The following NTN5 variants were observed in gnomAD, a reference collection of about 807,000 sequenced individuals.
NTN5 encodes netrin-5.
In NTN5, 42 loss-of-function variants were observed where a neutral mutation model predicts 38.7. The ratio of observed to expected loss-of-function variants is 1.08; its 90% CI spans 0.85 to 1.40. The LOEUF (loss-of-function observed/expected upper bound fraction) is 1.40. Ranked by LOEUF, NTN5 falls within the 40% of genes most tolerant of loss-of-function variation. The pLI is 0.00. For synonymous variants in NTN5, 329 were observed against 303.9 expected (o/e 1.08, Z -0.86); for missense variants, 658 against 716.5 (o/e 0.92, Z 0.93).
At chr19:48,664,438 C>T in intron 3 of NTN5, 141 bp downstream of exon 3, 1 of 1,304,734 alleles carries the variant, frequency 7.7e-7, no homozygotes, top group Non-Finnish European at 1.0e-6. Context: ...CCCAGCCCCT[C>T]CTCCCTCAGG....
At chr19:48,663,394 G>C (rs887382243) in intron 6 of NTN5, 69 bp downstream of exon 6, 1 of 1,330,028 alleles carries the variant, frequency 7.5e-7, no homozygotes, top group Non-Finnish European at 1.1e-6. Context: ...GGCCAGAAAG[G>C]GGGTGGCTTA....
Position 48,670,832 on chromosome 19 carries a change from C to T in NTN5, c.155G>A (p.Gly52Glu). The change falls in exon 2 of 7, where the codon GGA becomes GAA. Residue 52 changes from glycine (G) to glutamate (E), a missense_variant. Physicochemically the swap from Gly to Glu is moderately conservative, Grantham distance 98 (BLOSUM62 -2). Coordinates refer to ENST00000270235, the MANE Select transcript of NTN5 (RefSeq NM_145807.4). ...SCPQACALSPGNHLGARETCN... is the reference protein window; with the variant it reads ...SCPQACALSPENHLGARETCN... ...GGTTTCCCTGGCGCCAAGGTGGTTT[C>T]CTGGGGACAGGGCACAGGCCTGAGG... 6.2e-7 allele frequency: 1 copy of T among 1,613,046 alleles called. No individual in the cohort carries two copies. Among genetic ancestry groups the T allele is most frequent in the Non-Finnish European group, 8.5e-7 (1 of 1,179,960 alleles).
At chr19:48,666,471 G>A (rs1003398777) in intron 2 of NTN5, among the ~76,000 whole-genome samples, 2 of 151,856 alleles carry the variant, frequency 1.3e-5, no homozygotes, top group African/African-American at 4.8e-5. Context: ...GGGAGTTGGA[G>A]GCTGCAGTGA....
At chr19:48,663,573 C>T in intron 5 of NTN5, 30 bp from the exon 6 acceptor site, 5 of 1,602,914 alleles carry the variant, frequency 3.1e-6, no homozygotes, top group African/African-American at 1.3e-5. Context: ...CTGCAGTGGG[C>T]TCCTGGGGCC....
chr19:48,672,199 G>C (rs1324126301), intron 1 of NTN5, among the ~76,000 whole-genome samples: 1 of 152,118 alleles, frequency 6.6e-6, no homozygotes, highest in Non-Finnish European at 1.5e-5. Flanking sequence ...GCTGGGACAG[G>C]GTGGGGTGCC....
intron 6 of NTN5, chr19:48,662,866 TAGAACACTAGTG>T (rs2031585847): frequency 5.4e-6 from 1 of 186,086 alleles, no homozygotes; most frequent in African/African-American, 2.4e-5. Context: ...TGTGAAGGCC[TAGAACACTAGTG>T]ACCAGATGAG....
In NTN5 at chr19:48,664,735, G is replaced by C; in HGVS notation, c.664C>G (p.Arg222Gly). The change falls in exon 3 of 7, where the codon CGG (arginine) becomes GGG (glycine). Residue 222 changes from arginine to glycine, a missense_variant. Coordinates refer to ENST00000270235, the MANE Select transcript of NTN5 (RefSeq NM_145807.4). ...CSCNQHARRC[R>G]FNSELFRLSG... ...AGTCTGAACAGCTCAGAGTTGAACC[G>C]GCAGCGTCGGGCGTGCTGGTTGCAG... The C allele has an allele frequency of 6.3e-7, 1 of 1,580,666 alleles. No homozygotes were observed. The highest frequency in any genetic ancestry group is 2.4e-5 in the East Asian group (1 of 42,482).
intron 4 of NTN5, 58 bp from the exon 5 acceptor site, chr19:48,663,872 C>A: frequency 6.5e-7 from 1 of 1,543,754 alleles, no homozygotes; most frequent in South Asian, 1.1e-5. Flanking sequence ...TCCCCTCGCC[C>A]CTGCCCCGGG....
In NTN5 at chr19:48,668,940, AC is replaced by A. The variant is rs1325657684; in HGVS notation, c.631+1415del. Among the ~76,000 whole-genome samples the A allele has an allele frequency of 1.6e-4, 24 of 149,416 alleles. No individual in the cohort carries two copies. In the East Asian group the frequency reaches 4.1e-3, roughly 25 times the overall value. ...CGGAAACTGTTATTACATCATCATC[AC>A]CACCACCATCATCATCACCACTATC... is the stretch of plus-strand genomic sequence containing the variant. On this transcript the variant is annotated intron_variant, in intron 2 of 6. Transcript: ENST00000270235.
At position 48,662,052 on chromosome 19, in the gene NTN5, G is replaced by A. The variant is rs557596080; in HGVS notation, c.1106-11C>T. On this transcript the variant is annotated splice_polypyrimidine_tract_variant and intron_variant, in intron 6 of 6. Coordinates refer to ENST00000270235, the MANE Select transcript of NTN5 (RefSeq NM_145807.4). ...CCTGCGCGCGGAGAACTGTGGGGAG[G>A]GGAGATGTCAGCCCAGGTCGTGGGG... The A allele has an allele frequency of 8.2e-6, 12 of 1,455,656 alleles. No individual in the cohort carries two copies. In the East Asian group the frequency reaches 1.8e-4, roughly 21 times the overall value. The allele number at this position is 1,455,656 out of a possible 1,614,324, so 90.2% of individuals were successfully genotyped here. A position where few individuals can be genotyped will look rare whatever the true frequency, so the allele number is the denominator to read the frequency against.
chr19:48,670,541 G>A lies in NTN5; in HGVS notation c.446C>T (p.Ala149Val), dbSNP rs773344916. The A allele has an allele frequency of 4.0e-6, 6 of 1,505,430 alleles. No individual in the cohort carries two copies. In the African/African-American group the frequency reaches 5.6e-5, roughly 14 times the overall value. 93.3% of individuals were successfully genotyped at this position (1,505,430 alleles called of 1,614,324 possible). The stretch of plus-strand genomic sequence containing the variant: ...GCAGCGGCCTCTCAGCCCAGCTGCC[G>A]CTAGCCCGGCCTGGCCCCCAAACTC... ...RVEFGGQAGL[A>V]AAGLRGRCQC... Residue 149 changes from alanine to valine, a missense_variant, in exon 2 of 7, where the codon GCG (alanine) becomes GTG (valine). Coordinates refer to ENST00000270235, the MANE Select transcript of NTN5 (RefSeq NM_145807.4).
chr19:48,671,122 G>T, intron 1 of NTN5, 116 bp from the exon 2 acceptor site: 1 of 680,302 alleles, frequency 1.5e-6, no homozygotes, highest in Non-Finnish European at 2.3e-6. Context: ...CCCCTCCCCG[G>T]CTGCATGGAA....
intron 3 of NTN5, 28 bp from the exon 4 acceptor site, chr19:48,664,320 G>A (rs370652949): frequency 7.5e-6 from 12 of 1,603,060 alleles, no homozygotes; most frequent in Non-Finnish European, 7.7e-6. Flanking sequence ...CTGGGGGCAT[G>A]GGGTATCAGG....
Position 48,661,958 on chromosome 19 carries a change from G to T in NTN5, c.1189C>A (p.Gln397Lys), listed in dbSNP as rs754656057. The change falls in exon 7 of 7, where the codon CAG becomes AAG. Residue 397 changes from glutamine (Q) to lysine (K), a missense_variant. Transcript: ENST00000270235. ...LAVRVLAVYK[Q>K]RAQPVRRGDQ... ...CCGCGTCGCACGGGCTGCGCCCGCT[G>T]CTTGTAAACGGCCAGCACGCGCACG... The T allele has an allele frequency of 4.8e-6, 7 of 1,454,876 alleles. No homozygotes were observed. In the South Asian group the frequency reaches 7.7e-5, roughly 16 times the overall value. 90.1% of individuals were successfully genotyped at this position (1,454,876 alleles called of 1,614,324 possible).
intron 2 of NTN5, among the ~76,000 whole-genome samples, chr19:48,669,757 T>TCACCACCAC (rs2031872880): frequency 3.7e-5 from 1 of 26,780 alleles, no homozygotes; most frequent in African/African-American, 1.3e-4. Context: ...ACCATCACCA[T>TCACCACCAC]CGTCACCACT....
chr19:48,663,247 G>A, intron 6 of NTN5: 1 of 671,752 alleles, frequency 1.5e-6, no homozygotes, highest in South Asian at 1.5e-5. Flanking sequence ...AAGAACATGG[G>A]GAAAGAGGAG....
At position 48,669,576 on chromosome 19, in the gene NTN5, TCACCACCACGAC is replaced by T. The variant is rs1568452257; in HGVS notation, c.631+768_631+779del. 3.4e-3 allele frequency among the ~76,000 whole-genome samples: 41 copies of T among 12,220 alleles called. 2 individuals are homozygous for T. Among genetic ancestry groups the T allele is most frequent in the Non-Finnish European group, 3.2e-3 (23 of 7,296 alleles). The allele number at this position is 12,220 out of a possible 152,430, so 8.0% of individuals were successfully genotyped here. A position where few individuals can be genotyped will look rare whatever the true frequency, so the allele number is the denominator to read the frequency against. On this transcript the variant is annotated intron_variant, in intron 2 of 6. Transcript: ENST00000270235. ...ACCATCACCACCACCATCACCACCA[TCACCACCACGAC>T]CACCATCACCACCACCACCATCATC... is the stretch of plus-strand genomic sequence containing the variant.
intron 4 of NTN5, 111 bp downstream of exon 4, chr19:48,664,032 T>C (rs974795035): frequency 1.1e-4 from 150 of 1,367,638 alleles, no homozygotes; most frequent in Non-Finnish European, 1.5e-4. Flanking sequence ...GCCTCCAGCC[T>C]TGGGCTCCCA....
In NTN5 at chr19:48,670,626, C is replaced by A; in HGVS notation, c.361G>T (p.Val121Leu). Residue 121 changes from valine to leucine, a missense_variant, in exon 2 of 7, where the codon GTG becomes TTG. Coordinates refer to ENST00000270235, the MANE Select transcript of NTN5 (RefSeq NM_145807.4). ...GGACCTGGTGTGGAGTGGAAGGTCA[C>A]CCTTTCAGGGCCCCCTAAGGCCCCA... ...WPGALGGPER[V>L]TFHSTPGPKA... The A allele has an allele frequency of 1.2e-6, 2 of 1,600,628 alleles. No homozygotes were observed. Among genetic ancestry groups the A allele is most frequent in the Non-Finnish European group, 1.7e-6 (2 of 1,174,416 alleles).
Sources: allele counts gnomAD v4.1 joint callset (sites outside exome capture counted in the v4.1 genomes callset), GRCh38; gene constraint gnomAD v4.1.1; transcripts MANE v1.5; gene names NCBI Gene and HGNC (gene_info 2026-07-23, HGNC 2026-07-21).